Variants in ST7 observed in about 807,000 individuals in gnomAD.
ST7 encodes suppressor of tumorigenicity 7 protein.
Under a neutral mutation model 78.7 loss-of-function variants are expected in ST7, and 28 were observed. The observed-to-expected ratio is 0.36, with a 90% CI of 0.26 to 0.49. The LOEUF is 0.49. Among genes scored for constraint, ST7 ranks in the 20% least tolerant of loss-of-function variants. The pLI is 0.99. For synonymous variants in ST7, 247 were observed against 249.6 expected, an observed-to-expected ratio of 0.99 and a Z score of 0.10; for missense variants, 418 against 696.0, an observed-to-expected ratio of 0.60 and a Z score of 4.49.
rs1795499504 is a variant in ST7, at chr7:117,014,192, AT to A, written c.151+60504del. 2.0e-5 allele frequency among the ~76,000 whole-genome samples: 3 copies of A among 152,224 alleles called. No homozygotes were observed. The South Asian group carries it at 6.2e-4, about 31-fold the overall frequency. The stretch of plus-strand genomic sequence containing the variant: ...AAAAAGATAAAAAAAGTAAAAATTT[AT>A]TTATGTTTCGTCTTTTGGCAAGGTA... On this transcript the variant is annotated intron_variant, in intron 1 of 15. Coordinates refer to ENST00000323984, the MANE Select transcript of ST7 (RefSeq NM_001369598.1).
At chr7:117,002,199 G>A (rs1045656990) in intron 1 of ST7, among the ~76,000 whole-genome samples, 2 of 152,168 alleles carry the variant, frequency 1.3e-5, no homozygotes, top group African/African-American at 4.8e-5. Flanking sequence ...CTGTACTCCA[G>A]CCTGGGCGAC....
At chr7:117,061,140 C>G (rs1798330613) in intron 1 of ST7, among the ~76,000 whole-genome samples, 1 of 152,062 alleles carries the variant, frequency 6.6e-6, no homozygotes, top group South Asian at 2.1e-4. Context: ...GTTTTAGGTC[C>G]TGCCATTTTA....
At chr7:117,130,140 G>C (rs1804227370) in intron 4 of ST7, among the ~76,000 whole-genome samples, 3 of 151,872 alleles carry the variant, frequency 2.0e-5, no homozygotes, top group Admixed American at 6.6e-5. Context: ...TATGGTTATA[G>C]AGATGTCGCA....
chr7:117,096,400 G>T (rs548937336), intron 1 of ST7, among the ~76,000 whole-genome samples: 4 of 152,132 alleles, frequency 2.6e-5, no homozygotes, highest in Admixed American at 2.0e-4. Flanking sequence ...AGAAAAGGCC[G>T]AGATAAAAAT....
chr7:117,038,419 G>A (rs1251189411), intron 1 of ST7, among the ~76,000 whole-genome samples: 1 of 151,996 alleles, frequency 6.6e-6, no homozygotes. Flanking sequence ...TTTCATTGTG[G>A]ATGTCTTAAT....
chr7:117,171,230 C>T (rs990462981), intron 10 of ST7, among the ~76,000 whole-genome samples: 2 of 152,142 alleles, frequency 1.3e-5, no homozygotes, highest in African/African-American at 2.4e-5. Flanking sequence ...CTCTCCCCAT[C>T]AGGCAGTTAT....
chr7:117,138,447 A>G lies in ST7; in HGVS notation c.878A>G (p.Asn293Ser), dbSNP rs144923942. ...QYEAQHRRDT[N>S]VLVYIKRRLA... ...TCTCCCTCTTCAGGACGAGACACCAATGTCTTGGTGTACATCAAAAGAAGG... is the reference window on the plus strand; with the variant it reads ...TCTCCCTCTTCAGGACGAGACACCAGTGTCTTGGTGTACATCAAAAGAAGG... Residue 293 changes from asparagine (N) to serine (S), a missense_variant, in exon 9 of 16, where the codon AAT becomes AGT. By Grantham distance (46) the Asn-to-Ser change is conservative. Around this residue, in one of 4 missense-constraint regions of ST7, gnomAD observed 288 missense variants for 537.1 expected, o/e 0.54. Transcript: ENST00000323984. The G allele has an allele frequency of 9.3e-6, 15 of 1,606,100 alleles. No homozygotes were observed. Among genetic ancestry groups the G allele is most frequent in the African/African-American group, 4.0e-5 (3 of 74,716 alleles).
intron 1 of ST7, among the ~76,000 whole-genome samples, chr7:116,973,766 A>G (rs1793558413): frequency 6.6e-6 from 1 of 152,188 alleles, no homozygotes; most frequent in African/African-American, 2.4e-5. Context: ...ACTTGTTTCT[A>G]TTATCAAACA....
intron 2 of ST7, 57 bp from the exon 3 acceptor site, chr7:117,119,504 G>A: frequency 6.5e-7 from 1 of 1,534,810 alleles, no homozygotes; most frequent in Non-Finnish European, 8.8e-7. Flanking sequence ...ATGGGCATGT[G>A]TACAGAAGTC....
chr7:117,147,501 A>G (rs1805896839), intron 9 of ST7, among the ~76,000 whole-genome samples: 1 of 151,924 alleles, frequency 6.6e-6, no homozygotes, highest in African/African-American at 2.4e-5. Context: ...AAAATTTATT[A>G]CATATAGCTT....
intron 1 of ST7, among the ~76,000 whole-genome samples, chr7:116,962,823 C>T (rs973794092): frequency 3.9e-5 from 6 of 152,142 alleles, no homozygotes; most frequent in South Asian, 2.1e-4. Flanking sequence ...AGGATCATGT[C>T]GTCTGCAAAC....
intron 1 of ST7, among the ~76,000 whole-genome samples, chr7:117,059,937 C>T (rs910888712): frequency 2.0e-5 from 3 of 151,834 alleles, no homozygotes; most frequent in Middle Eastern, 3.4e-3. Flanking sequence ...GAACCAAGAT[C>T]GCACTACCCC....
intron 10 of ST7, among the ~76,000 whole-genome samples, chr7:117,180,620 A>G (rs1483955591): frequency 1.3e-5 from 2 of 152,190 alleles, no homozygotes; most frequent in Non-Finnish European, 2.9e-5. Context: ...GAAACAAACA[A>G]AAGTAACAAA....
intron 1 of ST7, chr7:116,959,155 A>G (rs766364259): frequency 1.5e-5 from 7 of 465,182 alleles, no homozygotes; most frequent in Middle Eastern, 4.1e-4. Flanking sequence ...CATTTCAGCA[A>G]TGTTCACAGC....
intron 1 of ST7, among the ~76,000 whole-genome samples, chr7:117,068,818 T>C (rs568196304): frequency 6.6e-6 from 1 of 152,396 alleles, no homozygotes; most frequent in Admixed American, 6.5e-5. Flanking sequence ...ATTTAATTAA[T>C]ATGCCATTTT....
At chr7:117,041,450 G>C (rs886181591) in intron 1 of ST7, among the ~76,000 whole-genome samples, 1 of 152,164 alleles carries the variant, frequency 6.6e-6, no homozygotes, top group African/African-American at 2.4e-5. Flanking sequence ...AAGAATGAAG[G>C]TCTGCAAAGT....
At position 117,119,703 on chromosome 7, in the gene ST7, A is replaced by T; in HGVS notation, c.377A>T (p.Asn126Ile). The change falls in exon 3 of 16, where the codon AAT becomes ATT. Residue 126 changes from asparagine to isoleucine, a missense_variant. Asn to Ile is a moderately radical substitution (Grantham distance 149). Coordinates refer to ENST00000323984, the MANE Select transcript of ST7 (RefSeq NM_001369598.1). The part of the protein sequence containing the change: ...SNSSNGDSDS[N>I]RQSVSECKVW... ...TCCAGTAACGGGGACTCAGATTCCA[A>T]TAGGCAAAGTGTCTCAGGTATGGAA... 2 of 1,612,866 alleles carry T rather than the reference A, an allele frequency of 1.2e-6. No homozygotes were observed. The highest frequency in any genetic ancestry group is 1.7e-6 in the Non-Finnish European group (2 of 1,179,816).
intron 12 of ST7, among the ~76,000 whole-genome samples, chr7:117,197,289 G>A (rs1289349960): frequency 6.6e-6 from 1 of 152,126 alleles, no homozygotes; most frequent in African/African-American, 2.4e-5. Context: ...CAAAGTGCTG[G>A]GATTATGGGT....
chr7:117,028,926 C>G (rs1796335308), intron 1 of ST7, among the ~76,000 whole-genome samples: 1 of 152,164 alleles, frequency 6.6e-6, no homozygotes, highest in African/African-American at 2.4e-5. Context: ...GTTAGAGGCT[C>G]TGATCCCTGC....
Sources: allele counts gnomAD v4.1 joint callset (sites outside exome capture counted in the v4.1 genomes callset), GRCh38; gene constraint gnomAD v4.1.1; regional missense constraint gnomAD v4.1.1; transcripts MANE v1.5; gene names NCBI Gene and HGNC (gene_info 2026-07-23, HGNC 2026-07-21).